The following EPB41L4B variants were observed in gnomAD, a reference collection of about 807,000 sequenced individuals.
The protein encoded by EPB41L4B is erythrocyte membrane protein band 4.1 like 4B, also known as band 4.1-like protein 4B.
Under a neutral mutation model 112.5 loss-of-function variants are expected in EPB41L4B, and 30 were observed. The ratio of observed to expected loss-of-function variants is 0.27; its 90% CI spans 0.20 to 0.36. The LOEUF (loss-of-function observed/expected upper bound fraction) is 0.36, where lower values mean the gene tolerates loss of function less well. Among genes scored for constraint, EPB41L4B ranks in the 10% least tolerant of loss-of-function variants. The probability of loss-of-function intolerance (pLI) is 1.00; values close to 1 mark genes in which losing one functional copy is unlikely to be tolerated. For synonymous variants in EPB41L4B, 408 were observed against 439.7 expected (o/e 0.93, Z 0.90); for missense variants, 1,024 against 1,133.3 (o/e 0.90, Z 1.38).
chr9:109,185,415 C>G, intron 23 of EPB41L4B, 74 bp downstream of exon 23: 2 of 1,333,972 alleles, frequency 1.5e-6, no homozygotes, highest in Non-Finnish European at 2.2e-6. Flanking sequence ...CCCACCCAGG[C>G]TTCCACCTCG....
intron 16 of EPB41L4B, among the ~76,000 whole-genome samples, chr9:109,214,447 T>C (rs948054488): frequency 2.0e-5 from 3 of 152,192 alleles, no homozygotes; most frequent in African/African-American, 7.2e-5. Flanking sequence ...AAAATTTTAA[T>C]CTAATGGGGA....
chr9:109,303,543 G>A (rs1281136446), intron 1 of EPB41L4B, among the ~76,000 whole-genome samples: 1 of 152,032 alleles, frequency 6.6e-6, no homozygotes, highest in East Asian at 1.9e-4. Flanking sequence ...TGTAGAGATA[G>A]GGTTTCACCA....
intron 15 of EPB41L4B, among the ~76,000 whole-genome samples, chr9:109,220,755 G>A (rs950648389): frequency 3.9e-5 from 6 of 152,014 alleles, no homozygotes; most frequent in Admixed American, 1.3e-4. Flanking sequence ...GTGTGTGCAC[G>A]TGCGTGTGTT....
rs997904059 is a variant in EPB41L4B, at chr9:109,243,556, C to T, written c.1409+62G>A. 4.6e-6 allele frequency: 7 copies of T among 1,528,610 alleles called. No homozygotes were observed. In the African/African-American group the frequency reaches 9.6e-5, roughly 21 times the overall value. 94.7% of individuals were successfully genotyped at this position (1,528,610 alleles called of 1,614,324 possible). On this transcript the variant is annotated intron_variant, in intron 15 of 25. Transcript: ENST00000374566. ...CTTTCTACTCCTAACTAAGCAGAATCTGAACTTTTCTAGAGAAAGGAAAGC... is the reference window on the plus strand; with the variant it reads ...CTTTCTACTCCTAACTAAGCAGAATTTGAACTTTTCTAGAGAAAGGAAAGC...
chr9:109,255,675 A>G lies in EPB41L4B; in HGVS notation c.1005T>C (p.Arg335=). 6.2e-7 allele frequency: 1 copy of G among 1,612,508 alleles called. No individual in the cohort carries two copies. Among genetic ancestry groups the G allele is most frequent in the Admixed American group, 1.7e-5 (1 of 59,992 alleles). ...LVVVEDDDQG[R]EQEHTFVFRL... ...GGAACACAAACGTGTGCTCTTGCTC[A>G]CGTCCCTTAAAGAGGAAGCACAAGG... The change falls in exon 11 of 26, where the codon CGT becomes CGC. Residue 335 remains arginine, a synonymous_variant. Transcript: ENST00000374566.
rs577419017 is a variant in EPB41L4B at position 109,307,403 on chromosome 9, C to A, written c.306+12738G>T. 48 of 350,844 alleles carry A rather than the reference C, an allele frequency of 1.4e-4. 2 individuals are homozygous for A. The highest frequency in any genetic ancestry group is 9.7e-4 in the South Asian group (41 of 42,346). The allele number at this position is 350,844 out of a possible 1,614,324, so 21.7% of individuals were successfully genotyped here. A position where few individuals can be genotyped will look rare whatever the true frequency, so the allele number is the denominator to read the frequency against. ...GCTCTCCCATTACAATATCCCATATCCCAGACCTCCTTTCTCAGGTTTCAT... is the reference window on the plus strand; with the variant it reads ...GCTCTCCCATTACAATATCCCATATACCAGACCTCCTTTCTCAGGTTTCAT... On this transcript the variant is annotated intron_variant, in intron 1 of 25. Transcript: ENST00000374566.
intron 15 of EPB41L4B, among the ~76,000 whole-genome samples, chr9:109,232,936 T>G (rs1834003470): frequency 6.6e-6 from 1 of 152,240 alleles, no homozygotes; most frequent in African/African-American, 2.4e-5. Flanking sequence ...GATATGAATT[T>G]TAAGGGCTTA....
chr9:109,188,424 G>C (rs959858268), intron 22 of EPB41L4B, among the ~76,000 whole-genome samples: 3 of 152,226 alleles, frequency 2.0e-5, no homozygotes, highest in Non-Finnish European at 4.4e-5. Context: ...CCAACAGGTA[G>C]AGAGTCACAC....
chr9:109,224,241 T>C (rs1444488561), intron 15 of EPB41L4B, among the ~76,000 whole-genome samples: 2 of 152,098 alleles, frequency 1.3e-5, no homozygotes, highest in Non-Finnish European at 2.9e-5. Flanking sequence ...TACATGTGAA[T>C]GTTCATAGCA....
At chr9:109,208,189 T>C in intron 17 of EPB41L4B, 140 bp from the exon 18 acceptor site, 2 of 1,017,360 alleles carry the variant, frequency 2.0e-6, no homozygotes, top group Non-Finnish European at 2.9e-6. Context: ...TATATTTTTA[T>C]CTGTGCTTTA....
intron 1 of EPB41L4B, among the ~76,000 whole-genome samples, chr9:109,285,018 C>T (rs903201537): frequency 1.3e-5 from 2 of 152,204 alleles, no homozygotes; most frequent in African/African-American, 2.4e-5. Flanking sequence ...CCACCAACTG[C>T]GACCTTAAGC....
chr9:109,241,596 C>T, intron 15 of EPB41L4B: 11 of 1,601,198 alleles, frequency 6.9e-6, no homozygotes, highest in Non-Finnish European at 9.4e-6. Flanking sequence ...CCATCTGAGG[C>T]CAAGACACTT....
intron 1 of EPB41L4B, among the ~76,000 whole-genome samples, chr9:109,282,265 A>AGT (rs1401899542): frequency 1.3e-5 from 2 of 152,118 alleles, no homozygotes; most frequent in African/African-American, 4.8e-5. Context: ...AGCTAAGGGG[A>AGT]GTACAGTTAT....
chr9:109,279,739 C>T (rs1835964243), intron 2 of EPB41L4B, 78 bp downstream of exon 2: 2 of 1,230,556 alleles, frequency 1.6e-6, no homozygotes, highest in Non-Finnish European at 2.4e-6. Flanking sequence ...TTTTCTCTAC[C>T]CATTTCTAGC....
rs768950341 is a variant in EPB41L4B, at chr9:109,172,826, A to G, written c.*1728T>C. The stretch of plus-strand genomic sequence containing the variant: ...TCACATACATTCCTCATTTTACAAC[A>G]ATACTAGTAAATGAGGCATTACCTT... On this transcript the variant is annotated 3_prime_UTR_variant, in exon 26 of 26. Transcript: ENST00000374566. The G allele has an allele frequency of 3.3e-5, 5 of 152,652 alleles. No individual in the cohort carries two copies. The highest frequency in any genetic ancestry group is 7.3e-5 in the Non-Finnish European group (5 of 68,046). 9.5% of individuals were successfully genotyped at this position (152,652 alleles called of 1,614,324 possible).
At chr9:109,255,747 G>A (rs747740739) in intron 10 of EPB41L4B, 27 bp downstream of exon 10, 10 of 1,612,518 alleles carry the variant, frequency 6.2e-6, no homozygotes, top group Non-Finnish European at 7.6e-6. Context: ...TTCACAGCAA[G>A]GGGGAAGAAA....
intron 12 of EPB41L4B, among the ~76,000 whole-genome samples, chr9:109,252,402 G>C (rs1353913357): frequency 6.6e-6 from 1 of 152,106 alleles, no homozygotes; most frequent in Non-Finnish European, 1.5e-5. Flanking sequence ...TCAACCCATC[G>C]CCCTTCTCTG....
chr9:109,260,254 G>C (rs1835148311), intron 6 of EPB41L4B, among the ~76,000 whole-genome samples: 2 of 151,862 alleles, frequency 1.3e-5, no homozygotes, highest in Admixed American at 6.6e-5. Flanking sequence ...ATTTTTTGTA[G>C]AGACAGGGTT....
At chr9:109,314,635 C>T (rs1837562569) in intron 1 of EPB41L4B, among the ~76,000 whole-genome samples, 1 of 123,864 alleles carries the variant, frequency 8.1e-6, no homozygotes, top group African/African-American at 4.8e-5. Context: ...CCCTCTCTCA[C>T]CCCCCCCCAC....
Sources: allele counts gnomAD v4.1 joint callset (sites outside exome capture counted in the v4.1 genomes callset), GRCh38; gene constraint gnomAD v4.1.1; transcripts MANE v1.5; gene names NCBI Gene and HGNC (gene_info 2026-07-23, HGNC 2026-07-21).